KCNC2: variants seen among roughly 807,000 people sequenced by gnomAD.
KCNC2 encodes the protein voltage-gated potassium channel KCNC2.
KCNC2 carries 21 observed loss-of-function variants against 44.5 expected under a neutral mutation model. The ratio of observed to expected loss-of-function variants is 0.47; its 90% CI spans 0.33 to 0.68. KCNC2 has a LOEUF of 0.68. Ranked by LOEUF, KCNC2 falls within the 30% of genes least tolerant of loss-of-function variation. The pLI, the probability that KCNC2 is intolerant of heterozygous loss-of-function variation, is 0.01. For missense variants in KCNC2, 589 were observed against 826.2 expected (o/e 0.71, Z 3.52); for synonymous variants, 391 against 339.1 (o/e 1.15, Z -1.68).
At chr12:75,112,028 T>C (rs1358172423) in intron 2 of KCNC2, among the ~76,000 whole-genome samples, 3 of 151,984 alleles carry the variant, frequency 2.0e-5, no homozygotes, top group Admixed American at 6.6e-5. Context: ...ATGCAGTTTA[T>C]ACTAGATTTT....
chr12:75,042,074 G>A lies in KCNC2; in HGVS notation c.*1031C>T, dbSNP rs756996665. On this transcript the variant is annotated 3_prime_UTR_variant, in exon 5 of 5. Transcript: ENST00000549446. The stretch of plus-strand genomic sequence containing the variant: ...AAGGCTAGTCAAAAAAGCCTTCTGT[G>A]AACACCAGTGACATTTGATGTTTGC... 7.5e-6 allele frequency: 9 copies of A among 1,198,162 alleles called. No homozygotes were observed. Among genetic ancestry groups the A allele is most frequent in the Non-Finnish European group, 9.3e-6 (9 of 967,064 alleles). 74.2% of individuals were successfully genotyped at this position (1,198,162 alleles called of 1,614,324 possible).
intron 2 of KCNC2, among the ~76,000 whole-genome samples, chr12:75,151,047 A>G (rs1306589409): frequency 1.3e-5 from 2 of 151,974 alleles, no homozygotes; most frequent in East Asian, 3.9e-4. Context: ...TTATCTTAAC[A>G]GTTTTTGCCT....
chr12:75,051,832 GA>G (rs1037412738), intron 2 of KCNC2, among the ~76,000 whole-genome samples: 35 of 151,524 alleles, frequency 2.3e-4, no homozygotes, highest in Admixed American at 5.3e-4. Context: ...GTAACAGCAT[GA>G]AAAAAAATCT....
rs555144256 is a variant in KCNC2, at chr12:75,086,207, C to T, written c.688-34890G>A. Among the ~76,000 whole-genome samples, 4 of 152,050 alleles carry T rather than the reference C, an allele frequency of 2.6e-5. No homozygotes were observed. In the South Asian group the frequency reaches 8.3e-4, roughly 32 times the overall value. The stretch of plus-strand genomic sequence containing the variant: ...TCTAAAAACCACTTGGAAGGGCTTT[C>T]CTTGGTTTGTGGAGGGAAGAATCAG... On this transcript the variant is annotated intron_variant, in intron 2 of 4. Coordinates refer to ENST00000549446, the MANE Select transcript of KCNC2 (RefSeq NM_139137.4).
At chr12:75,088,092 A>T (rs1040453392) in intron 2 of KCNC2, among the ~76,000 whole-genome samples, 1 of 152,054 alleles carries the variant, frequency 6.6e-6, no homozygotes, top group Non-Finnish European at 1.5e-5. Flanking sequence ...TATAACATTC[A>T]GCAACATATT....
At chr12:75,108,925 A>T (rs1887002392) in intron 2 of KCNC2, among the ~76,000 whole-genome samples, 1 of 152,218 alleles carries the variant, frequency 6.6e-6, no homozygotes, top group African/African-American at 2.4e-5. Context: ...ATATTATAAC[A>T]ACTTTCATAA....
At chr12:75,150,709 C>G (rs922367360) in intron 2 of KCNC2, among the ~76,000 whole-genome samples, 1 of 151,830 alleles carries the variant, frequency 6.6e-6, no homozygotes, top group Non-Finnish European at 1.5e-5. Flanking sequence ...TTACATGATT[C>G]TAATCAAGAT....
chr12:75,083,062 A>C (rs1262097824), intron 2 of KCNC2, among the ~76,000 whole-genome samples: 2 of 151,506 alleles, frequency 1.3e-5, no homozygotes, highest in East Asian at 3.9e-4. Flanking sequence ...ATATATACAA[A>C]AAATTTAAGA....
chr12:75,122,129 ACT>A (rs1173978471), intron 2 of KCNC2, among the ~76,000 whole-genome samples: 1 of 151,890 alleles, frequency 6.6e-6, no homozygotes, highest in Non-Finnish European at 1.5e-5. Flanking sequence ...CCAAGACAAA[ACT>A]CTCAGTCCTC....
intron 2 of KCNC2, among the ~76,000 whole-genome samples, chr12:75,083,086 A>T (rs1401984767): frequency 1.3e-5 from 2 of 151,306 alleles, no homozygotes; most frequent in Non-Finnish European, 3.0e-5. Flanking sequence ...TATAGTTAGT[A>T]AGAATTAAAA....
At chr12:75,200,558 G>C (rs543872132) in intron 2 of KCNC2, among the ~76,000 whole-genome samples, 1 of 151,688 alleles carries the variant, frequency 6.6e-6, no homozygotes, top group Non-Finnish European at 1.5e-5. Context: ...TGTTCCCTGA[G>C]TATGTGTCTG....
intron 2 of KCNC2, among the ~76,000 whole-genome samples, chr12:75,177,141 A>C (rs1892246155): frequency 6.6e-6 from 1 of 151,156 alleles, no homozygotes; most frequent in Admixed American, 6.6e-5. Flanking sequence ...TAGTTTGCTA[A>C]GGCTGCAATA....
At chr12:75,147,232 T>C (rs981339467) in intron 2 of KCNC2, among the ~76,000 whole-genome samples, 1 of 152,076 alleles carries the variant, frequency 6.6e-6, no homozygotes, top group Non-Finnish European at 1.5e-5. Context: ...GTGCAAGGTA[T>C]TTACAGACAG....
chr12:75,143,387 C>T (rs1279138083), intron 2 of KCNC2, among the ~76,000 whole-genome samples: 1 of 152,176 alleles, frequency 6.6e-6, no homozygotes, highest in African/African-American at 2.4e-5. Context: ...TAGGCACCTG[C>T]TGCTACAACT....
At chr12:75,055,084 T>G (rs1460609188) in intron 2 of KCNC2, among the ~76,000 whole-genome samples, 1 of 152,128 alleles carries the variant, frequency 6.6e-6, no homozygotes, top group East Asian at 1.9e-4. Context: ...TTATTTGTAT[T>G]TTTTCCTTCA....
At chr12:75,141,152 T>G (rs1431507001) in intron 2 of KCNC2, among the ~76,000 whole-genome samples, 1 of 152,182 alleles carries the variant, frequency 6.6e-6, no homozygotes, top group African/African-American at 2.4e-5. Flanking sequence ...TTTCTCTTCT[T>G]TGGGCTAAGT....
intron 2 of KCNC2, among the ~76,000 whole-genome samples, chr12:75,092,745 T>C (rs1885592020): frequency 6.6e-6 from 1 of 151,610 alleles, no homozygotes; most frequent in African/African-American, 2.4e-5. Flanking sequence ...TCCCAACCTC[T>C]TCATATTTCT....
intron 2 of KCNC2, among the ~76,000 whole-genome samples, chr12:75,177,057 T>TATATATATATAC (rs1491339880): frequency 6.1e-4 from 78 of 127,284 alleles, no homozygotes; most frequent in African/African-American, 2.3e-3. Flanking sequence ...TATATATATA[T>TATATATATATAC]ACACACACAC....
At chr12:75,138,435 G>C (rs537688126) in intron 2 of KCNC2, among the ~76,000 whole-genome samples, 179 of 152,260 alleles carry the variant, frequency 1.2e-3, no homozygotes, top group South Asian at 5.8e-3. Context: ...AGAATCACTT[G>C]AGTGCTTAAA....
Sources: gnomAD v4.1 joint callset for allele counts (sites outside exome capture counted in the v4.1 genomes callset) on GRCh38, gnomAD v4.1.1 for gene constraint, MANE v1.5 for transcripts, NCBI Gene and HGNC (gene_info 2026-07-23, HGNC 2026-07-21) for gene names.